Variants in GFRA1 observed in about 807,000 individuals in gnomAD.
GFRA1 encodes GDNF family receptor alpha 1, also known as GDNF family receptor alpha-1.
In GFRA1, 16 loss-of-function variants were observed where a neutral mutation model predicts 51.6. That is an observed-to-expected ratio of 0.31 (90% CI 0.21 to 0.47). The LOEUF (loss-of-function observed/expected upper bound fraction) is 0.47. GFRA1 is among the 20% of genes least tolerant of loss of function. GFRA1 has a pLI of 1.00. For missense variants in GFRA1, 530 were observed against 594.3 expected, an observed-to-expected ratio of 0.89 and a Z score of 1.13; for synonymous variants, 270 against 241.3, an observed-to-expected ratio of 1.12 and a Z score of -1.10.
chr10:116,135,230 A>G (rs1337017514), intron 5 of GFRA1, among the ~76,000 whole-genome samples: 1 of 152,194 alleles, frequency 6.6e-6, no homozygotes, highest in Non-Finnish European at 1.5e-5. Context: ...GCGTTATTTA[A>G]TGGCCTTGGC....
chr10:116,250,565 C>T (rs770840660), intron 4 of GFRA1, among the ~76,000 whole-genome samples: 1 of 152,200 alleles, frequency 6.6e-6, no homozygotes, highest in African/African-American at 2.4e-5. Flanking sequence ...ATTTTCAAAG[C>T]GTACATCTGA....
intron 6 of GFRA1, among the ~76,000 whole-genome samples, chr10:116,118,893 AGAGAGG>A (rs767730920): frequency 6.6e-6 from 1 of 152,182 alleles, no homozygotes; most frequent in Non-Finnish European, 1.5e-5. Flanking sequence ...GACCAGCTGG[AGAGAGG>A]GAGAACAGGG....
rs1966272233 is a variant in GFRA1 at position 116,226,030 on chromosome 10, T to C, written c.419-14385A>G. 3.3e-5 allele frequency among the ~76,000 whole-genome samples: 5 copies of C among 152,352 alleles called. No homozygotes were observed. The South Asian group carries it at 8.3e-4, about 25-fold the overall frequency. On this transcript the variant is annotated intron_variant, in intron 4 of 10. Coordinates refer to ENST00000355422, the MANE Select transcript of GFRA1 (RefSeq NM_005264.8). ...GCTGGTCTAGTACTGATCTTTAAAG[T>C]ACTTTCAGATCTAGTACTGATCTTT...
intron 4 of GFRA1, among the ~76,000 whole-genome samples, chr10:116,228,974 C>T (rs1181422566): frequency 2.3e-4 from 21 of 91,290 alleles, no homozygotes; most frequent in Admixed American, 1.2e-3. Context: ...GACCAATACT[C>T]CATCTCAAAA....
chr10:116,171,104 C>G (rs540271161), intron 5 of GFRA1, among the ~76,000 whole-genome samples: 2 of 152,224 alleles, frequency 1.3e-5, no homozygotes, highest in Non-Finnish European at 2.9e-5. Context: ...CAATGAATCA[C>G]AGGCTTTACT....
At chr10:116,081,046 G>GGTT (rs1321531127) in intron 9 of GFRA1, among the ~76,000 whole-genome samples, 1 of 152,192 alleles carries the variant, frequency 6.6e-6, no homozygotes, top group Non-Finnish European at 1.5e-5. Flanking sequence ...TTGTCTAGCT[G>GGTT]GTTCTGATCT....
intron 4 of GFRA1, chr10:116,226,656 T>C (rs1167483979): frequency 4.4e-6 from 1 of 229,586 alleles, no homozygotes. Flanking sequence ...TTCTGGGTGA[T>C]AAAGTGCATT....
chr10:116,182,512 G>A (rs1187964382), intron 5 of GFRA1, among the ~76,000 whole-genome samples: 3 of 152,068 alleles, frequency 2.0e-5, no homozygotes, highest in African/African-American at 4.8e-5. Flanking sequence ...TTGATACTGT[G>A]GCCAGTAACA....
At chr10:116,116,772 G>T (rs1957427276) in intron 6 of GFRA1, among the ~76,000 whole-genome samples, 2 of 152,192 alleles carry the variant, frequency 1.3e-5, no homozygotes, top group Admixed American at 1.3e-4. Context: ...ATTTGATAAA[G>T]AACTTAATGA....
intron 9 of GFRA1, among the ~76,000 whole-genome samples, chr10:116,067,390 C>T (rs1202584103): frequency 2.6e-5 from 4 of 152,172 alleles, no homozygotes; most frequent in Admixed American, 6.5e-5. Flanking sequence ...AACAAATTTA[C>T]TGAATTGCAC....
chr10:116,174,908 C>T (rs745685449), intron 5 of GFRA1, among the ~76,000 whole-genome samples: 31 of 151,910 alleles, frequency 2.0e-4, no homozygotes, highest in African/African-American at 7.3e-4. Flanking sequence ...GTATTTTTTC[C>T]AAAAGATTTG....
At chr10:116,194,040 ATAAAAAAAAATAAATAAATAAAATT>A (rs1201301349) in intron 5 of GFRA1, among the ~76,000 whole-genome samples, 9 of 119,386 alleles carry the variant, frequency 7.5e-5, no homozygotes, top group African/African-American at 3.1e-4. Flanking sequence ...CTCCGTCTCA[ATAAAAAAAAATAAATAAATAAAATT>A]TAAAAAAAAA....
chr10:116,180,282 G>T (rs1962083582), intron 5 of GFRA1, among the ~76,000 whole-genome samples: 1 of 152,174 alleles, frequency 6.6e-6, no homozygotes, highest in African/African-American at 2.4e-5. Context: ...ACACTGGACA[G>T]AAAACCTATT....
At chr10:116,238,675 T>C (rs189802372) in intron 4 of GFRA1, among the ~76,000 whole-genome samples, 94 of 152,388 alleles carry the variant, frequency 6.2e-4, no homozygotes, top group African/African-American at 2.1e-3. Flanking sequence ...AATAATGTCC[T>C]CTGCAATTAT....
At chr10:116,098,193 C>G (rs1956679951) in intron 6 of GFRA1, among the ~76,000 whole-genome samples, 1 of 152,204 alleles carries the variant, frequency 6.6e-6, no homozygotes, top group South Asian at 2.1e-4. Context: ...ACCTGACACT[C>G]CTCAGAGAGC....
At chr10:116,115,524 T>G (rs991439031) in intron 6 of GFRA1, among the ~76,000 whole-genome samples, 6 of 152,062 alleles carry the variant, frequency 3.9e-5, no homozygotes, top group African/African-American at 1.4e-4. Context: ...GAGCCCTCCT[T>G]AAGTCACTGA....
At chr10:116,145,729 C>G (rs1958771158) in intron 5 of GFRA1, among the ~76,000 whole-genome samples, 1 of 152,178 alleles carries the variant, frequency 6.6e-6, no homozygotes, top group Admixed American at 6.5e-5. Flanking sequence ...GAGAACTTCT[C>G]ACACATATTA....
At chr10:116,109,864 C>A (rs572741244) in intron 6 of GFRA1, among the ~76,000 whole-genome samples, 1 of 152,276 alleles carries the variant, frequency 6.6e-6, no homozygotes, top group South Asian at 2.1e-4. Context: ...AACTGCCCTG[C>A]AGGGGTGTCT....
chr10:116,125,410 T>G lies in GFRA1; in HGVS notation c.581A>C (p.Lys194Thr), dbSNP rs367892328. Residue 194 changes from lysine (K) to threonine (T), a missense_variant, in exon 6 of 11, where the codon AAG becomes ACG. Transcript: ENST00000355422. Reference protein sequence around the residue: ...NDVCNRRKCHKALRQFFDKVP... With the variant: ...NDVCNRRKCHTALRQFFDKVP... ...CTTGTCAAAGAACTGCCGGAGGGCC[T>G]TGTGGCACTTGCGGCGGTTGCAGAC... 6.2e-7 allele frequency: 1 copy of G among 1,614,100 alleles called. No individual in the cohort carries two copies. The highest frequency in any genetic ancestry group is 8.5e-7 in the Non-Finnish European group (1 of 1,180,032).
Sources: allele counts gnomAD v4.1 joint callset (sites outside exome capture counted in the v4.1 genomes callset), GRCh38; gene constraint gnomAD v4.1.1; transcripts MANE v1.5; gene names NCBI Gene and HGNC (gene_info 2026-07-23, HGNC 2026-07-21).